Variants in TRDN observed in about 807,000 individuals in gnomAD.
The protein encoded by TRDN is triadin in skeletal muscle.
In TRDN, 161 loss-of-function variants were observed where a neutral mutation model predicts 149.7. The observed-to-expected ratio is 1.08, with a 90% confidence interval of 0.95 to 1.23. The LOEUF (loss-of-function observed/expected upper bound fraction) is 1.23. Ranked by LOEUF, TRDN falls within the 50% of genes most tolerant of loss-of-function variation. TRDN has a pLI of 0.00. For synonymous variants in TRDN, 294 were observed against 250.5 expected (o/e 1.17, Z -1.64); for missense variants, 896 against 823.5 (o/e 1.09, Z -1.08).
chr6:123,216,808 T>C lies in TRDN; in HGVS notation c.*1793A>G, dbSNP rs1774985339. The stretch of plus-strand genomic sequence containing the variant: ...AATTTATTATATTTTTCTTGTACAA[T>C]ACAGCACCTAACACAGCGCCCTAAA... On this transcript the variant is annotated 3_prime_UTR_variant, in exon 41 of 41. Coordinates refer to ENST00000334268, the MANE Select transcript of TRDN (RefSeq NM_006073.4). 6.6e-6 allele frequency: 1 copy of C among 151,896 alleles called. No homozygotes were observed. The highest frequency in any genetic ancestry group is 2.4e-5 in the African/African-American group (1 of 41,414). The allele number at this position is 151,896 out of a possible 1,614,324, so 9.4% of individuals were successfully genotyped here.
chr6:123,412,074 C>T (rs919177618), intron 12 of TRDN, among the ~76,000 whole-genome samples: 24 of 152,280 alleles, frequency 1.6e-4, no homozygotes, highest in East Asian at 5.8e-4. Context: ...GGTGGAATTA[C>T]GTACACCACG....
chr6:123,486,818 C>T (rs1777993892), intron 9 of TRDN, among the ~76,000 whole-genome samples: 1 of 151,946 alleles, frequency 6.6e-6, no homozygotes, highest in Non-Finnish European at 1.5e-5. Context: ...TAGGAACTTA[C>T]TAGTACTGTT....
chr6:123,523,723 A>G (rs1194726772), intron 5 of TRDN, among the ~76,000 whole-genome samples: 1 of 152,140 alleles, frequency 6.6e-6, no homozygotes, highest in African/African-American at 2.4e-5. Flanking sequence ...AAAAAGGTCT[A>G]TGGCAGGGAC....
chr6:123,556,646 T>C (rs920403341), intron 2 of TRDN, among the ~76,000 whole-genome samples: 5 of 151,894 alleles, frequency 3.3e-5, no homozygotes, highest in African/African-American at 1.2e-4. Flanking sequence ...CCTCTTCTTC[T>C]TCTTCCTCTT....
chr6:123,589,175 A>G (rs2114612322), intron 1 of TRDN, among the ~76,000 whole-genome samples: 1 of 152,342 alleles, frequency 6.6e-6, no homozygotes, highest in South Asian at 2.1e-4. Context: ...AAGTTTGCGG[A>G]AAGAATCTGC....
At chr6:123,435,681 A>G (rs74561297) in intron 12 of TRDN, among the ~76,000 whole-genome samples, 5,211 of 152,276 alleles carry the variant, frequency 0.034, 133 homozygotes, top group Non-Finnish European at 0.052. Context: ...AATCAAAAGT[A>G]AAAATGACAA....
chr6:123,396,136 G>T (rs1416079591), intron 12 of TRDN, among the ~76,000 whole-genome samples: 1 of 152,126 alleles, frequency 6.6e-6, no homozygotes, highest in African/African-American at 2.4e-5. Context: ...TACAACACAA[G>T]AAGGCTGCAC....
chr6:123,588,093 C>T (rs746630068), intron 1 of TRDN, among the ~76,000 whole-genome samples: 18 of 152,044 alleles, frequency 1.2e-4, no homozygotes, highest in Non-Finnish European at 2.6e-4. Context: ...TCTTATCAGA[C>T]CCCAAAAGGT....
intron 40 of TRDN, among the ~76,000 whole-genome samples, chr6:123,219,935 G>T (rs1001506758): frequency 3.3e-5 from 5 of 151,782 alleles, no homozygotes; most frequent in Admixed American, 3.3e-4. Flanking sequence ...CTGCTTATCA[G>T]AAGTGGACAC....
At chr6:123,396,666 T>C (rs910480254) in intron 12 of TRDN, among the ~76,000 whole-genome samples, 1 of 152,194 alleles carries the variant, frequency 6.6e-6, no homozygotes, top group Non-Finnish European at 1.5e-5. Flanking sequence ...AAACAAATTG[T>C]CATGAATCAG....
chr6:123,585,333 C>G (rs1783407779), intron 1 of TRDN, among the ~76,000 whole-genome samples: 1 of 151,728 alleles, frequency 6.6e-6, no homozygotes, highest in African/African-American at 2.4e-5. Flanking sequence ...TAATTTGGCA[C>G]CAGAGTTGGG....
chr6:123,380,106 A>T (rs1390028367), intron 16 of TRDN, among the ~76,000 whole-genome samples: 1 of 152,194 alleles, frequency 6.6e-6, no homozygotes, highest in African/African-American at 2.4e-5. Flanking sequence ...AAAAGAACTG[A>T]TAGGTGTTTT....
intron 12 of TRDN, among the ~76,000 whole-genome samples, chr6:123,400,188 T>TATATATAA (rs1488784629): frequency 6.8e-6 from 1 of 146,656 alleles, no homozygotes; most frequent in South Asian, 2.1e-4. Flanking sequence ...TATATATATA[T>TATATATAA]AAACACACAC....
chr6:123,341,946 T>C (rs1373140687), intron 21 of TRDN, among the ~76,000 whole-genome samples: 2 of 151,984 alleles, frequency 1.3e-5, no homozygotes, highest in Non-Finnish European at 2.9e-5. Context: ...CTTATAGTAG[T>C]ATAGTTCTTC....
At chr6:123,462,556 C>G (rs1040262251) in intron 10 of TRDN, among the ~76,000 whole-genome samples, 1 of 152,060 alleles carries the variant, frequency 6.6e-6, no homozygotes, top group Admixed American at 6.5e-5. Flanking sequence ...ATAATCTAGT[C>G]TCTATATGAG....
intron 38 of TRDN, among the ~76,000 whole-genome samples, chr6:123,240,229 A>G (rs775551646): frequency 6.6e-6 from 1 of 151,940 alleles, no homozygotes; most frequent in East Asian, 1.9e-4. Flanking sequence ...TGTATCAGAA[A>G]CTACATAATA....
chr6:123,506,390 T>G lies in TRDN; in HGVS notation c.611-2489A>C, dbSNP rs34085160. Among the ~76,000 whole-genome samples the G allele has an allele frequency of 4.1e-3, 624 of 152,324 alleles. 6 individuals carry two copies. The highest frequency in any genetic ancestry group is 5.8e-3 in the South Asian group (28 of 4,824). On this transcript the variant is annotated intron_variant, in intron 7 of 40. Transcript: ENST00000334268. Reference sequence around the variant, plus strand: ...CTTTCTTTCTTTTGAATATTTTATGTATTTTTCCATGTGTCAACTGTTGTC... The same window carrying G: ...CTTTCTTTCTTTTGAATATTTTATGGATTTTTCCATGTGTCAACTGTTGTC...
chr6:123,287,479 G>C (rs1454404062), intron 24 of TRDN, among the ~76,000 whole-genome samples: 2 of 152,130 alleles, frequency 1.3e-5, no homozygotes, highest in African/African-American at 4.8e-5. Context: ...ACCACTGTTT[G>C]ATAACCGTAG....
In TRDN at chr6:123,316,380, T is replaced by G. The variant is rs765937766; in HGVS notation, c.1510+77A>C. On this transcript the variant is annotated intron_variant, in intron 24 of 40. Transcript: ENST00000334268. The stretch of plus-strand genomic sequence containing the variant: ...TCTAAATATTTTATCCAGCCAGGAT[T>G]GTAAAACTGTAAAACTAGCTTTCTT... The G allele has an allele frequency of 1.6e-5, 22 of 1,371,974 alleles. No homozygotes were observed. In the Admixed American group the frequency reaches 2.7e-4, roughly 17 times the overall value. The allele number at this position is 1,371,974 out of a possible 1,614,324, so 85.0% of individuals were successfully genotyped here.
Sources: allele counts gnomAD v4.1 joint callset (sites outside exome capture counted in the v4.1 genomes callset), GRCh38; gene constraint gnomAD v4.1.1; transcripts MANE v1.5; gene names NCBI Gene and HGNC (gene_info 2026-07-23, HGNC 2026-07-21).